Variants in COP1 observed in about 807,000 individuals in gnomAD.
COP1 encodes COP1 E3 ubiquitin ligase.
A neutral mutation model predicts 101.3 loss-of-function variants in COP1; 24 were observed. The ratio of observed to expected loss-of-function variants is 0.24; its 90% CI spans 0.17 to 0.33. The LOEUF (loss-of-function observed/expected upper bound fraction) is 0.33. COP1 is among the 10% of genes least tolerant of loss of function. The pLI, the probability that COP1 is intolerant of heterozygous loss-of-function variation, is 1.00. For synonymous variants in COP1, 347 were observed against 341.9 expected (o/e 1.01, Z -0.17); for missense variants, 663 against 906.2 (o/e 0.73, Z 3.45).
intron 15 of COP1, among the ~76,000 whole-genome samples, chr1:176,003,875 C>G (rs1471516070): frequency 3.3e-5 from 5 of 151,972 alleles, no homozygotes; most frequent in Non-Finnish European, 7.4e-5. Flanking sequence ...TAGTTTTTTC[C>G]AATTCTGTGA....
At chr1:175,975,512 C>A (rs544994870) in intron 18 of COP1, among the ~76,000 whole-genome samples, 1 of 152,148 alleles carries the variant, frequency 6.6e-6, no homozygotes, top group Admixed American at 6.5e-5. Flanking sequence ...TGGGTTCAAG[C>A]GATTCTCATG....
At chr1:176,152,810 C>G (rs1018992669) in intron 5 of COP1, among the ~76,000 whole-genome samples, 1 of 152,118 alleles carries the variant, frequency 6.6e-6, no homozygotes, top group Non-Finnish European at 1.5e-5. Flanking sequence ...GATTCCCTAC[C>G]TATAAAATGT....
intron 10 of COP1, among the ~76,000 whole-genome samples, chr1:176,083,153 C>G (rs1679495746): frequency 6.6e-6 from 1 of 152,126 alleles, no homozygotes; most frequent in African/African-American, 2.4e-5. Flanking sequence ...GTTAATGATT[C>G]TTTTTATATG....
At chr1:175,969,950 A>C (rs1008383050) in intron 18 of COP1, among the ~76,000 whole-genome samples, 2 of 152,172 alleles carry the variant, frequency 1.3e-5, no homozygotes, top group African/African-American at 2.4e-5. Context: ...GTATTATTCT[A>C]GTCAGTATAT....
At chr1:176,177,716 C>G (rs1246722885) in intron 2 of COP1, among the ~76,000 whole-genome samples, 1 of 152,042 alleles carries the variant, frequency 6.6e-6, no homozygotes. Context: ...TTTACTTGAG[C>G]TTTGTAAACT....
At chr1:176,194,529 T>G (rs562786992) in intron 1 of COP1, among the ~76,000 whole-genome samples, 5 of 152,056 alleles carry the variant, frequency 3.3e-5, no homozygotes, top group Admixed American at 3.3e-4. Flanking sequence ...TCCCAGCTAC[T>G]AGGGAGGCTG....
intron 13 of COP1, 92 bp downstream of exon 13, chr1:176,043,618 C>G (rs1304539920): frequency 1.3e-6 from 1 of 784,416 alleles, no homozygotes; most frequent in East Asian, 2.4e-5. Context: ...ATAGTGACTT[C>G]AAATCTGTAA....
intron 1 of COP1, 164 bp downstream of exon 1, chr1:176,206,408 A>G: frequency 2.9e-6 from 2 of 697,862 alleles, no homozygotes; most frequent in Non-Finnish European, 4.6e-6. Flanking sequence ...ACCAACCAGG[A>G]GCTCGAATGC....
intron 15 of COP1, among the ~76,000 whole-genome samples, chr1:175,998,321 G>A (rs1660781266): frequency 6.6e-6 from 1 of 151,380 alleles, no homozygotes; most frequent in Non-Finnish European, 1.5e-5. Context: ...TGGGGTGGGG[G>A]GAGAGGGGAG....
At chr1:176,088,950 G>A (rs905243676) in intron 9 of COP1, among the ~76,000 whole-genome samples, 11 of 142,184 alleles carry the variant, frequency 7.7e-5, no homozygotes, top group Non-Finnish European at 1.0e-4. Context: ...AGCTGAGGTC[G>A]CACCATTGCA....
chr1:176,045,866 CTACAT>C (rs1671433829), intron 12 of COP1, among the ~76,000 whole-genome samples: 1 of 151,630 alleles, frequency 6.6e-6, no homozygotes, highest in African/African-American at 2.4e-5. Flanking sequence ...TATTCATAAG[CTACAT>C]TAATCCTCAT....
intron 12 of COP1, among the ~76,000 whole-genome samples, chr1:176,044,825 C>A (rs1671222634): frequency 6.6e-6 from 1 of 152,152 alleles, no homozygotes; most frequent in Admixed American, 6.5e-5. Flanking sequence ...TCCAATATAT[C>A]AGGAAGTATT....
chr1:176,060,173 T>TC (rs1674585524), intron 11 of COP1, among the ~76,000 whole-genome samples: 1 of 152,204 alleles, frequency 6.6e-6, no homozygotes, highest in Non-Finnish European at 1.5e-5. Flanking sequence ...AACAACTACT[T>TC]TAAAAAAATT....
chr1:176,043,864 C>A, intron 12 of COP1, 46 bp from the exon 13 acceptor site: 1 of 1,071,898 alleles, frequency 9.3e-7, no homozygotes, highest in East Asian at 2.4e-5. Flanking sequence ...AAATAAATAA[C>A]AATGGGATAA....
Position 176,175,898 on chromosome 1 carries a change from C to A in COP1, c.565+12G>T. The A allele has an allele frequency of 7.1e-7, 1 of 1,399,590 alleles. No homozygotes were observed. The highest frequency in any genetic ancestry group is 1.0e-6 in the Non-Finnish European group (1 of 1,001,254). 86.7% of individuals were successfully genotyped at this position (1,399,590 alleles called of 1,614,324 possible). On this transcript the variant is annotated intron_variant, in intron 3 of 19. Transcript: ENST00000367669. ...AAATATTTTTAAAATAAAAATCATT[C>A]CAAAGACTCACCCAAGAAATTAGGA...
chr1:176,171,557 G>A (rs1696062171), intron 3 of COP1, among the ~76,000 whole-genome samples: 1 of 152,104 alleles, frequency 6.6e-6, no homozygotes, highest in Non-Finnish European at 1.5e-5. Flanking sequence ...CTTTTCCTTT[G>A]CATTCACACC....
intron 11 of COP1, among the ~76,000 whole-genome samples, chr1:176,051,715 G>A (rs545178656): frequency 6.6e-6 from 1 of 152,260 alleles, no homozygotes; most frequent in South Asian, 2.1e-4. Context: ...ACAAGATGTG[G>A]AAGAGATCAC....
chr1:175,945,679 C>T (rs1344866725), intron 19 of COP1, among the ~76,000 whole-genome samples: 1 of 152,114 alleles, frequency 6.6e-6, no homozygotes, highest in Non-Finnish European at 1.5e-5. Flanking sequence ...AAGTAGTATA[C>T]TGTCATAAAA....
chr1:176,196,004 A>G (rs955513577), intron 1 of COP1, among the ~76,000 whole-genome samples: 1 of 152,258 alleles, frequency 6.6e-6, no homozygotes, highest in Non-Finnish European at 1.5e-5. Context: ...GTGCATGTAC[A>G]GGTAAAATAA....
Sources: gnomAD v4.1 joint callset for allele counts (sites outside exome capture counted in the v4.1 genomes callset) on GRCh38, gnomAD v4.1.1 for gene constraint, MANE v1.5 for transcripts, NCBI Gene and HGNC (gene_info 2026-07-23, HGNC 2026-07-21) for gene names.